COL14A1: variants seen among roughly 807,000 people sequenced by gnomAD.
The protein encoded by COL14A1 is collagen alpha-1(XIV) chain.
A neutral mutation model predicts 230.3 loss-of-function variants in COL14A1; 136 were observed. The ratio of observed to expected loss-of-function variants is 0.59; its 90% CI spans 0.51 to 0.68. The LOEUF is 0.68. Among genes scored for constraint, COL14A1 ranks in the 30% least tolerant of loss-of-function variants. The pLI is 0.00. For missense variants in COL14A1, 1,976 were observed against 2,215.8 expected (o/e 0.89, Z 2.17); for synonymous variants, 792 against 784.1 (o/e 1.01, Z -0.17).
intron 4 of COL14A1, among the ~76,000 whole-genome samples, chr8:120,166,873 TAA>T (rs1288106425): frequency 2.3e-5 from 3 of 132,724 alleles, no homozygotes; most frequent in South Asian, 5.4e-4. Flanking sequence ...GAAAAGAATT[TAA>T]GTGTGTGTGT....
intron 18 of COL14A1, among the ~76,000 whole-genome samples, chr8:120,229,941 CA>C (rs1719500818): frequency 1.3e-5 from 2 of 152,062 alleles, no homozygotes; most frequent in African/African-American, 4.8e-5. Context: ...AGTGCAGCAC[CA>C]CGATCAAGGC....
At chr8:120,207,996 A>G (rs966310711) in intron 10 of COL14A1, among the ~76,000 whole-genome samples, 3 of 152,238 alleles carry the variant, frequency 2.0e-5, no homozygotes, top group African/African-American at 7.2e-5. Flanking sequence ...TGGTATTGAC[A>G]CAATTATTTC....
At chr8:120,166,921 T>TGTGTGTGTGG (rs769684724) in intron 4 of COL14A1, among the ~76,000 whole-genome samples, 1 of 137,286 alleles carries the variant, frequency 7.3e-6, no homozygotes, top group Non-Finnish European at 1.5e-5. Flanking sequence ...TGTGTGTGTG[T>TGTGTGTGTGG]GGTGGTGATG....
In COL14A1 at chr8:120,280,046, T is replaced by G. The variant is rs372643952; in HGVS notation, c.3593T>G (p.Phe1198Cys). Residue 1198 changes from phenylalanine (F) to cysteine (C), a missense_variant, in exon 29 of 48, where the codon TTT becomes TGT. Phe to Cys is a radical substitution (Grantham distance 205, BLOSUM62 -2). This residue lies in a region of COL14A1 where 1,791 missense variants were observed against 2,019.5 expected (regional missense o/e 0.89). Coordinates refer to ENST00000297848, the MANE Select transcript of COL14A1 (RefSeq NM_021110.4). ...HVFFVDDFDAFKKIEDELITF... is the reference protein window; with the variant it reads ...HVFFVDDFDACKKIEDELITF... ...TTCTTTGTGGATGACTTTGACGCCT[T>G]TAAGAAAATCGAAGATGAGTTAATT... The G allele has an allele frequency of 1.2e-6, 2 of 1,613,714 alleles. No homozygotes were observed. Among genetic ancestry groups the G allele is most frequent in the Non-Finnish European group, 1.7e-6 (2 of 1,179,826 alleles).
chr8:120,134,893 T>C (rs990457966), intron 1 of COL14A1, among the ~76,000 whole-genome samples: 2 of 152,306 alleles, frequency 1.3e-5, no homozygotes, highest in African/African-American at 4.8e-5. Context: ...GAGAATTGCT[T>C]GAACCTGGGA....
At chr8:120,188,685 C>T (rs1406042911) in intron 5 of COL14A1, among the ~76,000 whole-genome samples, 1 of 152,186 alleles carries the variant, frequency 6.6e-6, no homozygotes, top group African/African-American at 2.4e-5. Flanking sequence ...AAGTTAAGAG[C>T]TGAATTAAAA....
intron 39 of COL14A1, 45 bp from the exon 40 acceptor site, chr8:120,315,899 C>T: frequency 3.7e-6 from 6 of 1,601,554 alleles, no homozygotes; most frequent in Non-Finnish European, 5.1e-6. Context: ...GAGCAGATGA[C>T]TCATTCCTGT....
At position 120,203,845 on chromosome 8, in the gene COL14A1, G is replaced by A; in HGVS notation, c.1014G>A (p.Val338=). The part of the protein sequence containing the change: ...ESLTRTLCSR[V]EEQDREIKAS... Reference sequence around the variant, plus strand: ...TGACCAGGACTCTCTGCTCTAGAGTGGAAGAACAGGACAGAGAAATTAAAG... The same window carrying A: ...TGACCAGGACTCTCTGCTCTAGAGTAGAAGAACAGGACAGAGAAATTAAAG... The change falls in exon 9 of 48, where the codon GTG becomes GTA. Residue 338 remains valine, a synonymous_variant. Coordinates refer to ENST00000297848, the MANE Select transcript of COL14A1 (RefSeq NM_021110.4). The A allele has an allele frequency of 1.9e-6, 3 of 1,613,786 alleles. No homozygotes were observed. Among genetic ancestry groups the A allele is most frequent in the South Asian group, 1.1e-5 (1 of 91,040 alleles).
At chr8:120,329,225 G>A (rs1821788412) in intron 40 of COL14A1, among the ~76,000 whole-genome samples, 1 of 152,154 alleles carries the variant, frequency 6.6e-6, no homozygotes, top group Non-Finnish European at 1.5e-5. Context: ...GAGTTAGAAT[G>A]GATGAGTTCT....
chr8:120,212,070 C>T (rs527745333), intron 12 of COL14A1, among the ~76,000 whole-genome samples: 7 of 152,358 alleles, frequency 4.6e-5, no homozygotes, highest in African/African-American at 1.7e-4. Flanking sequence ...AAGATGCCCA[C>T]TTGGCCTTGC....
At chr8:120,193,926 G>T (rs930261358) in intron 5 of COL14A1, among the ~76,000 whole-genome samples, 2 of 152,184 alleles carry the variant, frequency 1.3e-5, no homozygotes, top group Non-Finnish European at 2.9e-5. Context: ...GGGTGGGAGT[G>T]ACCCGGTTTT....
intron 22 of COL14A1, among the ~76,000 whole-genome samples, chr8:120,251,812 A>G (rs1010092576): frequency 1.1e-4 from 17 of 152,170 alleles, no homozygotes; most frequent in Non-Finnish European, 2.1e-4. Flanking sequence ...AGAGATTTCA[A>G]TATGAATCCT....
rs771806993 is a variant in COL14A1 at position 120,263,030 on chromosome 8, TC to T, written c.3016+17del. Reference sequence around the variant, plus strand: ...GAAAAAACACGTAAGTCATGTGTGTTCTCTCCTGATCCCTCTCCCCATGAAC... The same window carrying T: ...GAAAAAACACGTAAGTCATGTGTGTTTCTCCTGATCCCTCTCCCCATGAAC... On this transcript the variant is annotated intron_variant, in intron 24 of 47. Transcript: ENST00000297848. 1.8e-4 allele frequency: 280 copies of T among 1,573,328 alleles called. No homozygotes were observed. Among genetic ancestry groups the T allele is most frequent in the Non-Finnish European group, 2.3e-4 (268 of 1,163,570 alleles).
chr8:120,292,894 T>C (rs1323815585), intron 34 of COL14A1, among the ~76,000 whole-genome samples: 2 of 152,182 alleles, frequency 1.3e-5, no homozygotes, highest in Non-Finnish European at 1.5e-5. Context: ...AACTACTCGA[T>C]AGAAATTACG....
intron 9 of COL14A1, among the ~76,000 whole-genome samples, chr8:120,205,991 C>T (rs1817417606): frequency 2.0e-5 from 3 of 152,196 alleles, no homozygotes; most frequent in Admixed American, 2.0e-4. Context: ...GTAACACACA[C>T]ACACAAATGC....
intron 5 of COL14A1, among the ~76,000 whole-genome samples, chr8:120,180,889 G>A (rs1816444812): frequency 6.6e-6 from 1 of 151,876 alleles, no homozygotes; most frequent in Non-Finnish European, 1.5e-5. Context: ...TGTATTTTTA[G>A]TAGAGATGGG....
intron 45 of COL14A1, among the ~76,000 whole-genome samples, chr8:120,358,982 T>C (rs1052504912): frequency 6.6e-6 from 1 of 152,214 alleles, no homozygotes; most frequent in South Asian, 2.1e-4. Context: ...TATGTAAATA[T>C]AGTGAAGTAG....
intron 40 of COL14A1, among the ~76,000 whole-genome samples, chr8:120,328,802 C>T (rs936865531): frequency 1.8e-4 from 27 of 152,160 alleles, no homozygotes; most frequent in African/African-American, 6.5e-4. Flanking sequence ...CAATTTTCTG[C>T]AGTTTCTTTT....
At chr8:120,212,893 C>T (rs2130767371) in intron 13 of COL14A1, among the ~76,000 whole-genome samples, 2 of 151,884 alleles carry the variant, frequency 1.3e-5, no homozygotes, top group Middle Eastern at 3.4e-3. Flanking sequence ...ATGGGAATCT[C>T]AGCTCAACTC....
Sources: gnomAD v4.1 joint callset for allele counts (sites outside exome capture counted in the v4.1 genomes callset) on GRCh38, gnomAD v4.1.1 for gene constraint, gnomAD v4.1.1 regional missense constraint, MANE v1.5 for transcripts, NCBI Gene and HGNC (gene_info 2026-07-23, HGNC 2026-07-21) for gene names.